PLEKHG5: variants seen among roughly 807,000 people sequenced by gnomAD.
PLEKHG5 encodes the protein pleckstrin homology domain-containing family G member 5.
A neutral mutation model predicts 103.8 loss-of-function variants in PLEKHG5; 52 were observed. That is an observed-to-expected ratio of 0.50 (90% CI 0.40 to 0.63). The LOEUF (loss-of-function observed/expected upper bound fraction) is 0.63. PLEKHG5 is among the 30% of genes least tolerant of loss of function. The probability of loss-of-function intolerance (pLI) is 0.00; values close to 1 mark genes in which losing one functional copy is unlikely to be tolerated. For missense variants in PLEKHG5, 1,205 were observed against 1,347.6 expected, an observed-to-expected ratio of 0.89 and a Z score of 1.66; for synonymous variants, 592 against 575.5, an observed-to-expected ratio of 1.03 and a Z score of -0.41.
intron 1 of PLEKHG5, among the ~76,000 whole-genome samples, chr1:6,509,418 C>T (rs1163026938): frequency 2.0e-5 from 3 of 152,216 alleles, no homozygotes; most frequent in South Asian, 2.1e-4. Flanking sequence ...TCCTTGAGAG[C>T]GGAAGTGCCA....
At chr1:6,475,161 G>T in intron 4 of PLEKHG5, 23 bp from the exon 5 acceptor site, 1 of 1,381,406 alleles carries the variant, frequency 7.2e-7, no homozygotes, top group African/African-American at 1.4e-5. Context: ...TGGGGGTGGG[G>T]GCTGTGAGCT....
intron 1 of PLEKHG5, among the ~76,000 whole-genome samples, chr1:6,484,612 A>G (rs774307047): frequency 2.6e-5 from 4 of 151,872 alleles, no homozygotes; most frequent in South Asian, 2.1e-4. Flanking sequence ...AGCTCCCTCC[A>G]GAGGCAGGAC....
upstream of PLEKHG5, among the ~76,000 whole-genome samples, chr1:6,497,801 T>TCG (rs1645250813): frequency 6.6e-6 from 1 of 152,152 alleles, no homozygotes; most frequent in South Asian, 2.1e-4. This position sits in a 1 kb window ranked among gnomAD's most constrained non-coding sequence, Gnocchi z 6.1. Flanking sequence ...CGGGAGAGAC[T>TCG]CGCCTGCCAC....
intron 6 of PLEKHG5, 51 bp from the exon 7 acceptor site, chr1:6,474,215 G>C (rs1193329461): frequency 6.3e-7 from 1 of 1,599,718 alleles, no homozygotes; most frequent in Non-Finnish European, 8.5e-7. Flanking sequence ...TGGTGGAGGA[G>C]GGGGTCCCCG....
In PLEKHG5 at chr1:6,470,801, C is replaced by T. The variant is rs766950406; in HGVS notation, c.1476G>A (p.Pro492=). 6.3e-6 allele frequency: 10 copies of T among 1,575,388 alleles called. No homozygotes were observed. Among genetic ancestry groups the T allele is most frequent in the Admixed American group, 1.8e-5 (1 of 54,358 alleles). Residue 492 remains proline, a synonymous_variant, in exon 14 of 21, where the codon CCG becomes CCA. Coordinates refer to ENST00000377728, the MANE Select transcript of PLEKHG5 (RefSeq NM_020631.6). ...AKPHQRLTKY[P]LLLKSVLRKT... ...TCCTCAGCACCGACTTGAGCAGCAG[C>T]GGGTACTTGGTGAGCCGCTGGTGGG...
intron 5 of PLEKHG5, 185 bp downstream of exon 5, chr1:6,474,862 A>G: frequency 1.4e-6 from 1 of 704,816 alleles, no homozygotes; most frequent in Non-Finnish European, 2.6e-6. Flanking sequence ...GCACAAGTAC[A>G]CAGACCCCAC....
chr1:6,506,459 G>A (rs1306252513), intron 1 of PLEKHG5, among the ~76,000 whole-genome samples: 4 of 152,250 alleles, frequency 2.6e-5, no homozygotes, highest in East Asian at 1.9e-4. Flanking sequence ...CGGGCTGGCC[G>A]TCTGGGGACG....
chr1:6,473,984 C>G, intron 7 of PLEKHG5, 29 bp downstream of exon 7: 1 of 1,404,248 alleles, frequency 7.1e-7, no homozygotes, highest in Non-Finnish European at 9.9e-7. Flanking sequence ...CTTCCCACCC[C>G]CTCCCCTGAC....
chr1:6,508,839 TGGA>T (rs1336473180), intron 1 of PLEKHG5, among the ~76,000 whole-genome samples: 1 of 151,868 alleles, frequency 6.6e-6, no homozygotes, highest in Non-Finnish European at 1.5e-5. Context: ...ACCACAGAGA[TGGA>T]GAAGCTGAGG....
In PLEKHG5 at chr1:6,488,178, G is replaced by A. The variant is rs146812275; in HGVS notation, c.-88+3459C>T. Among the ~76,000 whole-genome samples, 624 of 152,316 alleles carry A rather than the reference G, an allele frequency of 4.1e-3. 3 individuals carry two copies. The highest frequency in any genetic ancestry group is 0.014 in the African/African-American group (588 of 41,560). ...CTGCATTTCACTGAGCATTCCATGT[G>A]CCACCCCATCGTGGGAGTTCCAGGC... is the stretch of plus-strand genomic sequence containing the variant. On this transcript the variant is annotated intron_variant, in intron 1 of 20. Transcript: ENST00000377728.
At position 6,505,761 on chromosome 1, in the gene PLEKHG5, C is replaced by G. The variant is rs1189309049; in HGVS notation, c.-164-9192G>C. ...CAGAGGCCAGGCCTGAAGCCCAGTG[C>G]AGGGCCCACGCTGCCCAGCCAGGCC... On this transcript the variant is annotated intron_variant, in intron 1 of 21. Transcript: ENST00000377740. This position sits in a 1 kb window ranked among gnomAD's most constrained non-coding sequence, Gnocchi z 4.2. Among the ~76,000 whole-genome samples the G allele has an allele frequency of 6.6e-6, 1 of 152,240 alleles. No homozygotes were observed. The highest frequency in any genetic ancestry group is 1.5e-5 in the Non-Finnish European group (1 of 68,040).
At position 6,469,120 on chromosome 1, in the gene PLEKHG5, C is replaced by CCTTCCT. The variant is rs960528373; in HGVS notation, c.2165_2170dup (p.Glu722_Glu723dup). The stretch of plus-strand genomic sequence containing the variant: ...GGCAGCTGAAGTGCCACTGTCCTCG[C>CCTTCCT]CTTCCTCCTCCTCCTCCTCCTCCTC... On this transcript the variant is annotated inframe_insertion, in exon 19 of 21. Transcript: ENST00000377728. 6.2e-7 allele frequency: 1 copy of CCTTCCT among 1,607,764 alleles called. No individual in the cohort carries two copies. The highest frequency in any genetic ancestry group is 1.4e-5 in the African/African-American group (1 of 70,944).
At chr1:6,485,419 C>A in intron 1 of PLEKHG5, 1 of 1,341,600 alleles carries the variant, frequency 7.5e-7, no homozygotes, top group Non-Finnish European at 9.5e-7. Context: ...GCTAGGCGTC[C>A]GGAGACACCG....
chr1:6,485,441 C>A, intron 1 of PLEKHG5: 2 of 1,274,516 alleles, frequency 1.6e-6, no homozygotes, highest in Non-Finnish European at 2.0e-6. Context: ...GTCCTGTCCC[C>A]ATGGCGGCCG....
At chr1:6,509,194 G>C (rs11121984) in intron 1 of PLEKHG5, among the ~76,000 whole-genome samples, 76,908 of 152,204 alleles carry the variant, frequency 0.51, 21,074 homozygotes, top group Admixed American at 0.65. Flanking sequence ...TGCCCCTGGG[G>C]CTGGGAGCTG....
chr1:6,485,450 C>T (rs1557758485), intron 1 of PLEKHG5: 6 of 1,261,348 alleles, frequency 4.8e-6, no homozygotes, highest in Non-Finnish European at 6.0e-6. Context: ...CCATGGCGGC[C>T]GGAGGAAGCC....
chr1:6,512,402 A>C (rs1638498870), intron 1 of PLEKHG5, among the ~76,000 whole-genome samples: 1 of 152,330 alleles, frequency 6.6e-6, no homozygotes, highest in East Asian at 1.9e-4. Flanking sequence ...TCAGGCCTGG[A>C]CAAACCTCCC....
intron 1 of PLEKHG5, among the ~76,000 whole-genome samples, chr1:6,482,574 C>G (rs956371392): frequency 2.0e-5 from 3 of 152,116 alleles, no homozygotes; most frequent in Middle Eastern, 3.2e-3. Flanking sequence ...TGTTATTGTC[C>G]CTGTTTCACA....
chr1:6,489,913 C>T (rs982872449), intron 1 of PLEKHG5, among the ~76,000 whole-genome samples: 1 of 152,192 alleles, frequency 6.6e-6, no homozygotes. Flanking sequence ...CAGGGGACCT[C>T]TTGGCCTCCA....
Sources: gnomAD v4.1 joint callset for allele counts (sites outside exome capture counted in the v4.1 genomes callset) on GRCh38, gnomAD v4.1.1 for gene constraint, Gnocchi (gnomAD v3.1) non-coding constraint, MANE v1.5 for transcripts, NCBI Gene and HGNC (gene_info 2026-07-23, HGNC 2026-07-21) for gene names.